The following ACACB variants were observed in gnomAD, a reference collection of about 807,000 sequenced individuals.
ACACB encodes acetyl-CoA carboxylase 2.
In ACACB, 209 loss-of-function variants were observed where a neutral mutation model predicts 278.8. That is an observed-to-expected ratio of 0.75 (90% CI 0.67 to 0.84). The LOEUF (loss-of-function observed/expected upper bound fraction) is 0.84, where lower values mean the gene tolerates loss of function less well. ACACB is among the 40% of genes least tolerant of loss of function. ACACB has a pLI of 0.00. For synonymous variants in ACACB, 1,174 were observed against 1,285.6 expected, an observed-to-expected ratio of 0.91 and a Z score of 1.86; for missense variants, 2,850 against 3,269.0, an observed-to-expected ratio of 0.87 and a Z score of 3.13.
intron 26 of ACACB, 113 bp from the exon 27 acceptor site, chr12:109,223,702 C>T (rs941071115): frequency 1.8e-5 from 17 of 952,106 alleles, no homozygotes; most frequent in South Asian, 8.4e-5. Context: ...TTTGAGGCTG[C>T]GGTGAGCTAT....
Position 109,245,105 on chromosome 12 carries a change from A to T in ACACB, c.5179-521A>T, listed in dbSNP as rs1476262333. Among the ~76,000 whole-genome samples the T allele has an allele frequency of 1.9e-4, 29 of 152,016 alleles. 1 individual carries two copies. The highest frequency in any genetic ancestry group is 1.8e-3 in the Admixed American group (28 of 15,266). ...GAGGTTGAGGCAGGAGAATCACTGAATCCGGGAGGCAGAGGTTGCGGTGAG... is the reference window on the plus strand; with the variant it reads ...GAGGTTGAGGCAGGAGAATCACTGATTCCGGGAGGCAGAGGTTGCGGTGAG... On this transcript the variant is annotated intron_variant, in intron 37 of 52. Transcript: ENST00000338432.
intron 43 of ACACB, among the ~76,000 whole-genome samples, chr12:109,253,735 A>G (rs1046514371): frequency 6.6e-6 from 1 of 152,226 alleles, no homozygotes; most frequent in Admixed American, 6.5e-5. Context: ...ATTCTTCATT[A>G]TAACCATTTC....
chr12:109,127,597 T>TAA (rs59070753), intron 1 of ACACB, among the ~76,000 whole-genome samples: 16 of 139,336 alleles, frequency 1.1e-4, no homozygotes, highest in African/African-American at 3.4e-4. Flanking sequence ...AGAATTCGCC[T>TAA]AAAAAAAAAA....
At chr12:109,140,808 G>A (rs2043104087) in intron 2 of ACACB, among the ~76,000 whole-genome samples, 1 of 151,864 alleles carries the variant, frequency 6.6e-6, no homozygotes, top group Non-Finnish European at 1.5e-5. Flanking sequence ...AGCCAAGGCT[G>A]GCAAGAGCCA....
chr12:109,179,785 C>T, intron 10 of ACACB, 132 bp from the exon 11 acceptor site: 8 of 1,086,030 alleles, frequency 7.4e-6, no homozygotes, highest in African/African-American at 1.6e-5. Flanking sequence ...GCCACCACAC[C>T]TGGCCAGTCC....
At chr12:109,238,447 TATA>T (rs929173626) in intron 34 of ACACB, among the ~76,000 whole-genome samples, 4 of 115,378 alleles carry the variant, frequency 3.5e-5, no homozygotes, top group African/African-American at 1.1e-4. Flanking sequence ...TAATATAACA[TATA>T]ATATACATAA....
chr12:109,176,987 T>C (rs2044303795), intron 9 of ACACB, among the ~76,000 whole-genome samples: 1 of 152,242 alleles, frequency 6.6e-6, no homozygotes, highest in African/African-American at 2.4e-5. Flanking sequence ...TTTTAAAACC[T>C]TATGTCCGTT....
In ACACB at chr12:109,212,550, G is replaced by T. The variant is rs1037517500; in HGVS notation, c.3250-286G>T. On this transcript the variant is annotated intron_variant, in intron 21 of 52. Coordinates refer to ENST00000338432, the MANE Select transcript of ACACB (RefSeq NM_001093.4). ...AACGAGCATGCAACCTAGGTCCCTC[G>T]CATGCACGGTTCACAGCAGGGTTTG... is the stretch of plus-strand genomic sequence containing the variant. Among the ~76,000 whole-genome samples the T allele has an allele frequency of 4.6e-5, 7 of 152,064 alleles. 1 individual carries two copies. The highest frequency in any genetic ancestry group is 3.9e-4 in the Admixed American group (6 of 15,262).
intron 28 of ACACB, among the ~76,000 whole-genome samples, chr12:109,228,717 A>G (rs1470075569): frequency 1.3e-5 from 2 of 151,962 alleles, no homozygotes; most frequent in Non-Finnish European, 2.9e-5. Flanking sequence ...CATGGCTGCC[A>G]TATTATTTGA....
Position 109,258,330 on chromosome 12 carries a change from C to T in ACACB, c.6326C>T (p.Pro2109Leu). 1 of 1,612,344 alleles carries T rather than the reference C, an allele frequency of 6.2e-7. No individual in the cohort carries two copies. Among genetic ancestry groups the T allele is most frequent in the Non-Finnish European group, 8.5e-7 (1 of 1,179,850 alleles). Residue 2109 changes from proline (P) to leucine (L), a missense_variant, in exon 46 of 53, where the codon CCT (proline) becomes CTT (leucine). By Grantham distance (98) the Pro-to-Leu change is moderately conservative. Coordinates refer to ENST00000338432, the MANE Select transcript of ACACB (RefSeq NM_001093.4). ...VETRTVEVAV[P>L]ADPANLDSEA... ...ACACGGACTGTGGAGGTGGCAGTCC[C>T]TGCAGACCCTGCCAACCTGGATTCT...
At chr12:109,168,119 C>T (rs1048796144) in intron 4 of ACACB, 85 bp downstream of exon 4, 82 of 1,435,598 alleles carry the variant, frequency 5.7e-5, no homozygotes, top group Non-Finnish European at 7.1e-5. Flanking sequence ...GCAAGTCCAT[C>T]CTGGACTCCC....
chr12:109,234,716 C>T (rs976706087), intron 31 of ACACB, among the ~76,000 whole-genome samples: 1 of 151,660 alleles, frequency 6.6e-6, no homozygotes, highest in Non-Finnish European at 1.5e-5. Context: ...AACCAAACAC[C>T]GCATGTGCTC....
rs1211371912 is a variant in ACACB, at chr12:109,227,387, G to A, written c.3899G>A (p.Gly1300Asp). Residue 1300 changes from glycine to aspartate, a missense_variant, in exon 28 of 53, where the codon GGC (glycine) becomes GAC (aspartate). Transcript: ENST00000338432. ...CCTTGTCAGGTTTACGTGCGGAGGG[G>A]CTACATCGCCTATGAGTTAAACAGC... Reference protein sequence around the residue: ...MASLEVYVRRGYIAYELNSLQ... With the variant: ...MASLEVYVRRDYIAYELNSLQ... The A allele has an allele frequency of 6.2e-7, 1 of 1,612,150 alleles. No individual in the cohort carries two copies. Among genetic ancestry groups the A allele is most frequent in the African/African-American group, 1.3e-5 (1 of 74,884 alleles).
rs888265981 is a variant in ACACB, at chr12:109,189,208, G to C, written c.2144+1046G>C. Among the ~76,000 whole-genome samples, 3 of 152,126 alleles carry C rather than the reference G, an allele frequency of 2.0e-5. 1 individual carries two copies. Among genetic ancestry groups the C allele is most frequent in the African/African-American group, 7.2e-5 (3 of 41,420 alleles). On this transcript the variant is annotated intron_variant, in intron 13 of 52. Coordinates refer to ENST00000338432, the MANE Select transcript of ACACB (RefSeq NM_001093.4). Reference sequence around the variant, plus strand: ...CCTTCGGAGTGAAAAAATCCCAAAGGCCTTAGCATTAAAATCTGACGTGGG... The same window carrying C: ...CCTTCGGAGTGAAAAAATCCCAAAGCCCTTAGCATTAAAATCTGACGTGGG...
chr12:109,144,750 C>CTTTTTTTT lies in ACACB; in HGVS notation c.653+4695_653+4696insTTTTTTTT, dbSNP rs770963307. On this transcript the variant is annotated intron_variant, in intron 2 of 52. Coordinates refer to ENST00000338432, the MANE Select transcript of ACACB (RefSeq NM_001093.4). ...TCTTTCTTTTTCTTTTTCTTTCTTT[C>CTTTTTTTT]TTTCTTTTTTTTTTTTTTTTTTGAG... Among the ~76,000 whole-genome samples, 609 of 86,744 alleles carry CTTTTTTTT rather than the reference C, an allele frequency of 7.0e-3. 37 individuals carry two copies. Among genetic ancestry groups the CTTTTTTTT allele is most frequent in the East Asian group, 0.011 (31 of 2,806 alleles). 56.9% of individuals were successfully genotyped at this position (86,744 alleles called of 152,430 possible).
At chr12:109,200,192 A>ATTTTTTT (rs1199858488) in intron 18 of ACACB, among the ~76,000 whole-genome samples, 1 of 148,890 alleles carries the variant, frequency 6.7e-6, no homozygotes. Flanking sequence ...TGATTTCTTT[A>ATTTTTTT]TTTTTTTTTT....
At chr12:109,149,690 TGG>T (rs1211179587) in intron 2 of ACACB, among the ~76,000 whole-genome samples, 1 of 152,166 alleles carries the variant, frequency 6.6e-6, no homozygotes, top group Non-Finnish European at 1.5e-5. Context: ...AAATGGTAGG[TGG>T]GGAAGTCAAG....
Position 109,233,867 on chromosome 12 carries a change from G to C in ACACB, c.4239+20G>C. On this transcript the variant is annotated intron_variant, in intron 30 of 52. Coordinates refer to ENST00000338432, the MANE Select transcript of ACACB (RefSeq NM_001093.4). ...TGCAAGGTAAGCGTCTAAGCCCAGG[G>C]AGCAACCTGGGGAGCAGGTGGGCCG... 6.2e-7 allele frequency: 1 copy of C among 1,613,562 alleles called. No individual in the cohort carries two copies. The highest frequency in any genetic ancestry group is 1.1e-5 in the South Asian group (1 of 91,078).
intron 21 of ACACB, among the ~76,000 whole-genome samples, 153 bp downstream of exon 21, chr12:109,209,506 T>C (rs1179755105): frequency 6.6e-6 from 1 of 152,104 alleles, no homozygotes; most frequent in Non-Finnish European, 1.5e-5. Flanking sequence ...CTTTTGAGCC[T>C]TGTCTGCAGA....
Sources: allele counts gnomAD v4.1 joint callset (sites outside exome capture counted in the v4.1 genomes callset), GRCh38; gene constraint gnomAD v4.1.1; transcripts MANE v1.5; gene names NCBI Gene and HGNC (gene_info 2026-07-23, HGNC 2026-07-21).